Variants in PLAAT2 observed in about 807,000 individuals in gnomAD.
The protein encoded by PLAAT2 is HRAS like suppressor 2.
A neutral mutation model predicts 12.8 loss-of-function variants in PLAAT2; 12 were observed. The observed-to-expected ratio is 0.94, with a 90% CI of 0.60 to 1.52. PLAAT2 has a LOEUF of 1.52. Among genes scored for constraint, PLAAT2 ranks in the 40% most tolerant of loss-of-function variants. PLAAT2 has a pLI of 0.00. For synonymous variants in PLAAT2, 79 were observed against 86.8 expected (o/e 0.91, Z 0.50); for missense variants, 166 against 208.1 (o/e 0.80, Z 1.24).
chr11:63,558,426 T>C lies in PLAAT2; in HGVS notation c.353A>G (p.Asn118Ser). Residue 118 changes from asparagine (N) to serine (S), a missense_variant, in exon 3 of 4, where the codon AAC (asparagine) becomes AGC (serine). Transcript: ENST00000255695. ...GCGGGAGACGCCATAGCGCAGATGGTTCACGAAGTGCTCGCAGTTGTCACT... is the reference window on the plus strand; with the variant it reads ...GCGGGAGACGCCATAGCGCAGATGGCTCACGAAGTGCTCGCAGTTGTCACT... ...LTSDNCEHFV[N>S]HLRYGVSRSD... 6.2e-7 allele frequency: 1 copy of C among 1,614,200 alleles called. No homozygotes were observed. The highest frequency in any genetic ancestry group is 2.2e-5 in the East Asian group (1 of 44,882).
At chr11:63,557,857 C>G (rs550783702) in intron 3 of PLAAT2, among the ~76,000 whole-genome samples, 74 of 152,260 alleles carry the variant, frequency 4.9e-4, no homozygotes, top group Admixed American at 1.2e-3. Context: ...TTATTGCCCC[C>G]GTTCCCTGGT....
intron 3 of PLAAT2, among the ~76,000 whole-genome samples, 194 bp from the exon 4 acceptor site, chr11:63,553,259 G>T (rs1394351282): frequency 6.6e-6 from 1 of 151,950 alleles, no homozygotes; most frequent in Non-Finnish European, 1.5e-5. Context: ...GAGATGTCTG[G>T]TGGGCACAGA....
chr11:63,563,715 CAAAAAAAAAAAA>C (rs35852892), upstream of PLAAT2, among the ~76,000 whole-genome samples: 2 of 56,138 alleles, frequency 3.6e-5, no homozygotes, highest in Non-Finnish European at 7.3e-5. Context: ...GAGACTCAGT[CAAAAAAAAAAAA>C]AAAAAAAAAA....
At position 63,560,200 on chromosome 11, in the gene PLAAT2, C is replaced by A. The variant is rs1241820627; in HGVS notation, c.10-7G>T. On this transcript the variant is annotated splice_polypyrimidine_tract_variant and splice_region_variant and intron_variant, in intron 1 of 3. Coordinates refer to ENST00000255695, the MANE Select transcript of PLAAT2 (RefSeq NM_017878.2). ...GTCTCGGTCTTGGTCTGGCCTGCAA[C>A]AGAAAAACCAGAAACAGGCAGAGGT... 1.2e-6 allele frequency: 2 copies of A among 1,608,038 alleles called. No individual in the cohort carries two copies. The highest frequency in any genetic ancestry group is 1.7e-6 in the Non-Finnish European group (2 of 1,175,420).
At position 63,558,257 on chromosome 11, in the gene PLAAT2, A is replaced by G. The variant is rs1565240181; in HGVS notation, c.387+135T>C. On this transcript the variant is annotated intron_variant, in intron 3 of 3. Transcript: ENST00000255695. ...CACCCCAAATGTGACACCCTCAAGG[A>G]CAACAGTTTCATATCTGCTATTTTG... The G allele has an allele frequency of 1.6e-5, 16 of 974,676 alleles. No homozygotes were observed. The South Asian group carries it at 2.6e-4, about 16-fold the overall frequency. The allele number at this position is 974,676 out of a possible 1,614,324, so 60.4% of individuals were successfully genotyped here.
intron 1 of PLAAT2, among the ~76,000 whole-genome samples, chr11:63,563,102 C>G (rs937257009): frequency 3.9e-5 from 6 of 152,190 alleles, no homozygotes; most frequent in Non-Finnish European, 5.9e-5. Flanking sequence ...GAACCAGACC[C>G]CATGCGGCAG....
At chr11:63,561,782 G>T (rs1340597888) in intron 1 of PLAAT2, among the ~76,000 whole-genome samples, 1 of 146,866 alleles carries the variant, frequency 6.8e-6, no homozygotes, top group East Asian at 2.0e-4. Context: ...TTCCCCCCCA[G>T]AACCTCGAAA....
chr11:63,562,613 T>TA (rs1219287362), intron 1 of PLAAT2, among the ~76,000 whole-genome samples: 10 of 152,218 alleles, frequency 6.6e-5, no homozygotes, highest in African/African-American at 2.2e-4. Context: ...TCTCTATACT[T>TA]ACCAGTATAT....
intron 3 of PLAAT2, among the ~76,000 whole-genome samples, chr11:63,554,585 GCCA>G (rs1333551201): frequency 6.7e-6 from 1 of 148,544 alleles, no homozygotes; most frequent in Non-Finnish European, 1.5e-5. Context: ...CCAAGATCAC[GCCA>G]CTGCACTCCA....
upstream of PLAAT2, chr11:63,563,473 C>T (rs142479702): frequency 4.7e-3 from 3,914 of 833,958 alleles, 116 homozygotes; most frequent in African/African-American, 0.06. Context: ...AATCCCAGCA[C>T]TTTGAGAGGC....
intron 1 of PLAAT2, among the ~76,000 whole-genome samples, chr11:63,560,634 C>T (rs1172013263): frequency 6.6e-6 from 1 of 152,216 alleles, no homozygotes; most frequent in Non-Finnish European, 1.5e-5. Context: ...TGACTTGCAA[C>T]GCCCAACATG....
chr11:63,563,859 A>G (rs1194282554), upstream of PLAAT2, among the ~76,000 whole-genome samples: 1 of 152,102 alleles, frequency 6.6e-6, no homozygotes, highest in African/African-American at 2.4e-5. Context: ...AGCTCAGGAT[A>G]TAGATTGAGA....
intron 3 of PLAAT2, among the ~76,000 whole-genome samples, chr11:63,558,106 G>A (rs1332644332): frequency 1.3e-5 from 2 of 152,118 alleles, no homozygotes; most frequent in African/African-American, 4.8e-5. Context: ...TGTAAAGTGG[G>A]AATCATAAAG....
In PLAAT2 at chr11:63,553,015, G is replaced by A. The variant is rs751877036; in HGVS notation, c.438C>T (p.Ala146=). 55 of 1,613,782 alleles carry A rather than the reference G, an allele frequency of 3.4e-5. No homozygotes were observed. Among genetic ancestry groups the A allele is most frequent in the Middle Eastern group, 3.3e-4 (2 of 6,082 alleles). The change falls in exon 4 of 4, where the codon GCC becomes GCT. Residue 146 remains alanine, a synonymous_variant. Coordinates refer to ENST00000255695, the MANE Select transcript of PLAAT2 (RefSeq NM_017878.2). ...TVGVAAGLLA[A]ASLVGILLAR... ...CCAGCAGGATCCCCACAAGGCTTGC[G>A]GCAGCCAGCAGGCCTGCTGCCACAC...
chr11:63,558,570 C>G lies in PLAAT2; in HGVS notation c.209G>C (p.Gly70Ala). 1.2e-6 allele frequency: 2 copies of G among 1,614,226 alleles called. No homozygotes were observed. Among genetic ancestry groups the G allele is most frequent in the East Asian group, 4.5e-5 (2 of 44,884 alleles). ...VKKELLSVVAGGDNYRVNNKH... is the reference protein window; with the variant it reads ...VKKELLSVVAAGDNYRVNNKH... ...GTTATTGACCCTGTAGTTGTCTCCC[C>G]CAGCCACCACAGACAGCAGTTCCTT... Residue 70 changes from glycine (G) to alanine (A), a missense_variant, in exon 3 of 4, where the codon GGG (glycine) becomes GCG (alanine). Physicochemically the swap from Gly to Ala is moderately conservative, Grantham distance 60 (BLOSUM62 0). Coordinates refer to ENST00000255695, the MANE Select transcript of PLAAT2 (RefSeq NM_017878.2).
upstream of PLAAT2, chr11:63,563,401 T>C (rs984612538): frequency 1.0e-5 from 16 of 1,584,162 alleles, no homozygotes; most frequent in Admixed American, 1.0e-4. Context: ...TCACTTTCCC[T>C]GTGACCCAGC....
At chr11:63,558,268 A>T in intron 3 of PLAAT2, 124 bp downstream of exon 3, 1 of 1,098,654 alleles carries the variant, frequency 9.1e-7, no homozygotes, top group Non-Finnish European at 1.3e-6. Flanking sequence ...CAACAGTTTC[A>T]TATCTGCTAT....
At position 63,558,119 on chromosome 11, in the gene PLAAT2, G is replaced by A. The variant is rs575414159; in HGVS notation, c.387+273C>T. The stretch of plus-strand genomic sequence containing the variant: ...TCTGTAAAGTGGGAATCATAAAGCC[G>A]GCCTCTAGGGCTGTGGAGGGCTGTT... On this transcript the variant is annotated intron_variant, in intron 3 of 3. Transcript: ENST00000255695. Among the ~76,000 whole-genome samples the A allele has an allele frequency of 1.1e-3, 174 of 152,136 alleles. 1 individual carries two copies. Among genetic ancestry groups the A allele is most frequent in the African/African-American group, 3.1e-3 (127 of 41,490 alleles).
At chr11:63,553,166 C>T (rs2017433585) in intron 3 of PLAAT2, 101 bp from the exon 4 acceptor site, 1 of 702,286 alleles carries the variant, frequency 1.4e-6, no homozygotes, top group South Asian at 1.8e-5. Flanking sequence ...TGGCCCAGTC[C>T]TCTTCATTTG....
Sources: gnomAD v4.1 joint callset for allele counts (sites outside exome capture counted in the v4.1 genomes callset) on GRCh38, gnomAD v4.1.1 for gene constraint, MANE v1.5 for transcripts, NCBI Gene and HGNC (gene_info 2026-07-23, HGNC 2026-07-21) for gene names.